The following PROCR variants were observed in gnomAD, a reference collection of about 807,000 sequenced individuals.
The protein encoded by PROCR is endothelial protein C receptor.
In PROCR, 22 loss-of-function variants were observed where a neutral mutation model predicts 24.2. That is an observed-to-expected ratio of 0.91 (90% confidence interval 0.65 to 1.30). The LOEUF (loss-of-function observed/expected upper bound fraction) is 1.30, where lower values mean the gene tolerates loss of function less well. PROCR is among the 50% of genes most tolerant of loss of function. PROCR has a pLI of 0.00. For synonymous variants in PROCR, 137 were observed against 139.2 expected, an observed-to-expected ratio of 0.98 and a Z score of 0.11; for missense variants, 288 against 307.7, an observed-to-expected ratio of 0.94 and a Z score of 0.48.
At position 35,174,853 on chromosome 20, in the gene PROCR, G is replaced by A; in HGVS notation, c.222G>A (p.Gln74=). 1 of 1,613,980 alleles carries A rather than the reference G, an allele frequency of 6.2e-7. No individual in the cohort carries two copies. The highest frequency in any genetic ancestry group is 8.5e-7 in the Non-Finnish European group (1 of 1,179,954). Residue 74 remains glutamine (Q), a synonymous_variant, in exon 2 of 4, where the codon CAG becomes CAA. Coordinates refer to ENST00000216968, the MANE Select transcript of PROCR (RefSeq NM_006404.5). ...NTTIIQLQPL[Q]EPESWARTQS... ...CGATCATTCAGCTGCAGCCCTTGCA[G>A]GAGCCCGAGAGCTGGGCGCGCACGC... is the stretch of plus-strand genomic sequence containing the variant.
At chr20:35,178,735 T>G (rs1172273112), downstream of PROCR, among the ~76,000 whole-genome samples, 2 of 142,668 alleles carry the variant, frequency 1.4e-5, no homozygotes, top group Non-Finnish European at 3.0e-5. Flanking sequence ...CGGGATGGTC[T>G]CGATCTCCTG....
intron 1 of PROCR, among the ~76,000 whole-genome samples, chr20:35,215,659 C>T (rs183319676): frequency 3.6e-4 from 55 of 152,204 alleles, no homozygotes; most frequent in Admixed American, 3.5e-3. Context: ...GGTTCTACTC[C>T]TGGTTTTGCT....
At chr20:35,200,304 C>T (rs1388444362) in intron 1 of PROCR, among the ~76,000 whole-genome samples, 1 of 152,158 alleles carries the variant, frequency 6.6e-6, no homozygotes, top group African/African-American at 2.4e-5. Flanking sequence ...TCACATGCTA[C>T]AGAGAAATAT....
intron 1 of PROCR, among the ~76,000 whole-genome samples, chr20:35,174,113 G>A (rs1449943237): frequency 6.6e-6 from 1 of 152,148 alleles, no homozygotes; most frequent in African/African-American, 2.4e-5. Context: ...TGTATGTAAA[G>A]CCCATTGCCC....
intron 1 of PROCR, among the ~76,000 whole-genome samples, chr20:35,185,241 G>A (rs1006923896): frequency 6.6e-6 from 1 of 152,002 alleles, no homozygotes; most frequent in African/African-American, 2.4e-5. Flanking sequence ...AATAGTAGAC[G>A]TTGACGTGGA....
At chr20:35,191,265 A>G (rs1380733886) in intron 1 of PROCR, among the ~76,000 whole-genome samples, 1 of 152,126 alleles carries the variant, frequency 6.6e-6, no homozygotes. Flanking sequence ...ACAATTTGTC[A>G]ATTTCTCATG....
Position 35,174,903 on chromosome 20 carries a change from T to C in PROCR, c.272T>C (p.Leu91Pro), listed in dbSNP as rs1295236165. 7 of 1,604,102 alleles carry C rather than the reference T, an allele frequency of 4.4e-6. No individual in the cohort carries two copies. The highest frequency in any genetic ancestry group is 1.7e-4 in the Middle Eastern group (1 of 6,054). ...CAGAGTGGCCTGCAGTCCTACCTGC[T>C]CCAGTTCCACGGCCTCGTGCGCCTG... is the stretch of plus-strand genomic sequence containing the variant. ...RTQSGLQSYL[L>P]QFHGLVRLVH... Residue 91 changes from leucine (L) to proline (P), a missense_variant, in exon 2 of 4, where the codon CTC (leucine) becomes CCC (proline). Coordinates refer to ENST00000216968, the MANE Select transcript of PROCR (RefSeq NM_006404.5).
At position 35,174,656 on chromosome 20, in the gene PROCR, C is replaced by T. The variant is rs147748670; in HGVS notation, c.71-46C>T. On this transcript the variant is annotated intron_variant, in intron 1 of 3. Coordinates refer to ENST00000216968, the MANE Select transcript of PROCR (RefSeq NM_006404.5). ...GGGGTTATTATCTTCCGCTGCCCGC[C>T]GCCCCCTCCCACGCCGGCCCAGGCT... is the stretch of plus-strand genomic sequence containing the variant. The T allele has an allele frequency of 1.3e-4, 205 of 1,611,794 alleles. No individual in the cohort carries two copies. The African/African-American group carries it at 2.4e-3, about 19-fold the overall frequency.
chr20:35,183,638 T>C (rs1158194928), intron 1 of PROCR, among the ~76,000 whole-genome samples: 1 of 152,184 alleles, frequency 6.6e-6, no homozygotes, highest in Non-Finnish European at 1.5e-5. Flanking sequence ...ACCCGTGCCT[T>C]TGTGTTCTAG....
chr20:35,214,442 T>G (rs144152009), intron 1 of PROCR, among the ~76,000 whole-genome samples: 3,098 of 152,200 alleles, frequency 0.02, 89 homozygotes, highest in African/African-American at 0.071. Context: ...ATCCCAGCAC[T>G]TTGGGAGTCC....
intron 1 of PROCR, among the ~76,000 whole-genome samples, chr20:35,214,866 C>T (rs970756794): frequency 6.6e-6 from 1 of 151,440 alleles, no homozygotes; most frequent in African/African-American, 2.4e-5. Flanking sequence ...AACAATCAGA[C>T]CTTTTCCTTC....
rs978453679 is a variant in PROCR at position 35,208,329 on chromosome 20, C to T, written c.95-7564C>T. Among the ~76,000 whole-genome samples the T allele has an allele frequency of 7.9e-5, 12 of 152,306 alleles. 1 individual carries two copies. In the South Asian group the frequency reaches 2.5e-3, roughly 32 times the overall value. On this transcript the variant is annotated intron_variant, in intron 1 of 1. Transcript: ENST00000634509. The stretch of plus-strand genomic sequence containing the variant: ...TGTTCCACAGTCGTATAGCCAAAAT[C>T]CTCTTGCTCTGTGTCTGTTTATTCA...
intron 1 of PROCR, among the ~76,000 whole-genome samples, chr20:35,207,013 G>A (rs79317369): frequency 1.3e-5 from 2 of 152,098 alleles, no homozygotes; most frequent in Non-Finnish European, 2.9e-5. Context: ...GCAATGAAAA[G>A]GAATTGACTA....
intron 1 of PROCR, among the ~76,000 whole-genome samples, chr20:35,192,330 C>T (rs574994615): frequency 6.6e-6 from 1 of 152,294 alleles, no homozygotes; most frequent in African/African-American, 2.4e-5. Context: ...CGACAGTCAA[C>T]AGGGACAGGT....
At position 35,196,153 on chromosome 20, in the gene PROCR, G is replaced by A. The variant is rs184333078; in HGVS notation, c.94+19707G>A. 1.6e-4 allele frequency among the ~76,000 whole-genome samples: 19 copies of A among 117,558 alleles called. No individual in the cohort carries two copies. In the Admixed American group the frequency reaches 1.9e-3, roughly 12 times the overall value. The allele number at this position is 117,558 out of a possible 152,430, so 77.1% of individuals were successfully genotyped here. A position where few individuals can be genotyped will look rare whatever the true frequency, so the allele number is the denominator to read the frequency against. ...GCCAGGATTGGGCCACTGCACTCCA[G>A]CCTGGGCAACAGAGTGAGACTGCCT... is the stretch of plus-strand genomic sequence containing the variant. On this transcript the variant is annotated intron_variant, in intron 1 of 1. Transcript: ENST00000634509.
intron 1 of PROCR, among the ~76,000 whole-genome samples, chr20:35,199,090 A>G (rs1319913747): frequency 6.6e-6 from 1 of 152,186 alleles, no homozygotes; most frequent in Non-Finnish European, 1.5e-5. Context: ...TAACTCTCTT[A>G]CTAGGGGATA....
intron 1 of PROCR, 42 bp from the exon 2 acceptor site, chr20:35,174,660 C>T (rs768670614): frequency 1.1e-5 from 18 of 1,612,428 alleles, no homozygotes; most frequent in Non-Finnish European, 3.4e-6. Flanking sequence ...GCCCGCCGCC[C>T]CCTCCCACGC....
intron 1 of PROCR, chr20:35,215,767 T>C (rs767155647): frequency 6.4e-5 from 38 of 594,138 alleles, no homozygotes; most frequent in Non-Finnish European, 8.0e-5. Flanking sequence ...TTGATGTAGG[T>C]AAATTGCTTT....
In PROCR at chr20:35,176,845, T is replaced by C. The variant is rs956631719; in HGVS notation, c.*32T>C. 3 of 1,608,318 alleles carry C rather than the reference T, an allele frequency of 1.9e-6. No homozygotes were observed. Among genetic ancestry groups the C allele is most frequent in the Admixed American group, 1.7e-5 (1 of 59,028 alleles). Reference sequence around the variant, plus strand: ...TCCAGCCCCCTCAGAAGGGGCTGGATTGATGGAGGCTGGCAAGGGAAAGTT... The same window carrying C: ...TCCAGCCCCCTCAGAAGGGGCTGGACTGATGGAGGCTGGCAAGGGAAAGTT... On this transcript the variant is annotated 3_prime_UTR_variant, in exon 4 of 4. Coordinates refer to ENST00000216968, the MANE Select transcript of PROCR (RefSeq NM_006404.5).
Sources: allele counts gnomAD v4.1 joint callset (sites outside exome capture counted in the v4.1 genomes callset), GRCh38; gene constraint gnomAD v4.1.1; transcripts MANE v1.5; gene names NCBI Gene and HGNC (gene_info 2026-07-23, HGNC 2026-07-21).